Variants in PDE4B observed in about 807,000 individuals in gnomAD.
PDE4B encodes the protein 3',5'-cyclic-AMP phosphodiesterase 4B.
PDE4B carries 20 observed loss-of-function variants against 82.2 expected under a neutral mutation model. The ratio of observed to expected loss-of-function variants is 0.24; its 90% CI spans 0.17 to 0.35. PDE4B has a LOEUF of 0.35. PDE4B is among the 10% of genes least tolerant of loss of function. PDE4B has a pLI of 1.00. For synonymous variants in PDE4B, 320 were observed against 318.9 expected (o/e 1.00, Z -0.04); for missense variants, 655 against 907.2 (o/e 0.72, Z 3.57).
intron 3 of PDE4B, among the ~76,000 whole-genome samples, chr1:66,089,034 G>A (rs1189061821): frequency 6.6e-6 from 1 of 152,098 alleles, no homozygotes; most frequent in African/African-American, 2.4e-5. Flanking sequence ...CTAAGCCACT[G>A]AGATTGACAT....
intron 3 of PDE4B, among the ~76,000 whole-genome samples, chr1:65,923,008 C>G (rs1647305743): frequency 6.6e-6 from 1 of 152,056 alleles, no homozygotes; most frequent in African/African-American, 2.4e-5. Flanking sequence ...CCCCAACCCC[C>G]TCCCCCACAA....
At chr1:66,065,288 G>A (rs147288163) in intron 3 of PDE4B, among the ~76,000 whole-genome samples, 61 of 151,880 alleles carry the variant, frequency 4.0e-4, no homozygotes, top group African/African-American at 6.7e-4. Context: ...GGTTATTACC[G>A]TATGTCATTG....
At position 66,029,652 on chromosome 1, in the gene PDE4B, G is replaced by T. The variant is rs867763589; in HGVS notation, c.281+110817G>T. Among the ~76,000 whole-genome samples, 3 of 151,978 alleles carry T rather than the reference G, an allele frequency of 2.0e-5. No individual in the cohort carries two copies. The South Asian group carries it at 6.2e-4, about 31-fold the overall frequency. ...TGTATGAATGTTACTTTTGCTTTTT[G>T]ATATGAAATATAAGTCATATGTTAC... On this transcript the variant is annotated intron_variant, in intron 3 of 16. Coordinates refer to ENST00000341517, the MANE Select transcript of PDE4B (RefSeq NM_002600.4).
At chr1:65,904,884 G>A (rs900520293) in intron 1 of PDE4B, among the ~76,000 whole-genome samples, 1 of 152,162 alleles carries the variant, frequency 6.6e-6, no homozygotes, top group African/African-American at 2.4e-5. Flanking sequence ...ATAGAATAGT[G>A]CCTGCCATAA....
chr1:65,794,069 G>C (rs1235106867), intron 1 of PDE4B, among the ~76,000 whole-genome samples: 1 of 152,160 alleles, frequency 6.6e-6, no homozygotes, highest in Non-Finnish European at 1.5e-5. Context: ...GTCTGTGTGT[G>C]TCACACACGT....
intron 3 of PDE4B, among the ~76,000 whole-genome samples, chr1:66,006,344 T>C (rs1652148554): frequency 6.6e-6 from 1 of 152,216 alleles, no homozygotes; most frequent in South Asian, 2.1e-4. Context: ...TGCTGGATAA[T>C]GCAAACATGA....
At chr1:66,288,687 G>A (rs1018473993) in intron 7 of PDE4B, among the ~76,000 whole-genome samples, 1 of 152,114 alleles carries the variant, frequency 6.6e-6, no homozygotes, top group Non-Finnish European at 1.5e-5. Flanking sequence ...ATATGGGTTT[G>A]TGGGCTAGAA....
At chr1:66,131,986 G>A (rs1645960449) in intron 3 of PDE4B, among the ~76,000 whole-genome samples, 1 of 152,122 alleles carries the variant, frequency 6.6e-6, no homozygotes, top group South Asian at 2.1e-4. Flanking sequence ...AAAACAGAAA[G>A]AAAAGCAGTA....
At chr1:65,814,025 A>G (rs997394854) in intron 1 of PDE4B, among the ~76,000 whole-genome samples, 1 of 152,190 alleles carries the variant, frequency 6.6e-6, no homozygotes. Context: ...AAAAGAGAAC[A>G]GTGAAGAAGT....
In PDE4B at chr1:66,164,755, CTTTTTTTTT is replaced by C. The variant is rs145224852; in HGVS notation, c.282-82694_282-82686del. 6.8e-5 allele frequency among the ~76,000 whole-genome samples: 6 copies of C among 87,874 alleles called. No individual in the cohort carries two copies. The East Asian group carries it at 2.0e-3, about 30-fold the overall frequency. The allele number at this position is 87,874 out of a possible 152,430, so 57.6% of individuals were successfully genotyped here. A position where few individuals can be genotyped will look rare whatever the true frequency, so the allele number is the denominator to read the frequency against. Reference sequence around the variant, plus strand: ...TTTCTTTTTCTTTTTCTTTTCTTTTCTTTTTTTTTTTTTTTTTTTGAGACAGAGTCTCGC... The same window carrying C: ...TTTCTTTTTCTTTTTCTTTTCTTTTCTTTTTTTTTTGAGACAGAGTCTCGC... On this transcript the variant is annotated intron_variant, in intron 3 of 16. Transcript: ENST00000341517.
chr1:65,911,013 G>T (rs1647084460), intron 1 of PDE4B, among the ~76,000 whole-genome samples: 1 of 151,936 alleles, frequency 6.6e-6, no homozygotes, highest in Non-Finnish European at 1.5e-5. Context: ...AGAACATTTG[G>T]AAAACTGCCT....
At chr1:65,794,330 A>T (rs1213614761) in intron 1 of PDE4B, among the ~76,000 whole-genome samples, 1 of 152,170 alleles carries the variant, frequency 6.6e-6, no homozygotes, top group Admixed American at 6.5e-5. Context: ...AAAAAGTAAT[A>T]AATGTCCAGA....
chr1:65,838,341 G>C (rs1160582005), intron 1 of PDE4B, among the ~76,000 whole-genome samples: 1 of 151,906 alleles, frequency 6.6e-6, no homozygotes, highest in Non-Finnish European at 1.5e-5. Flanking sequence ...CAGAGATTAT[G>C]TGGAAATAAA....
At chr1:66,228,414 G>A (rs1651637692) in intron 3 of PDE4B, among the ~76,000 whole-genome samples, 1 of 152,102 alleles carries the variant, frequency 6.6e-6, no homozygotes, top group African/African-American at 2.4e-5. Context: ...CACGAGGTCA[G>A]GAGATCAAGA....
chr1:66,191,958 G>A (rs560240393), intron 3 of PDE4B, among the ~76,000 whole-genome samples: 64 of 152,050 alleles, frequency 4.2e-4, no homozygotes, highest in Non-Finnish European at 7.4e-4. Flanking sequence ...TCTCCCACGG[G>A]TCCCTCCCAC....
chr1:66,157,110 C>T (rs1646516195), intron 3 of PDE4B, among the ~76,000 whole-genome samples: 1 of 152,170 alleles, frequency 6.6e-6, no homozygotes, highest in African/African-American at 2.4e-5. Flanking sequence ...TGCTGTAATG[C>T]CAGTGCTCCC....
At chr1:65,924,530 C>A (rs551518873) in intron 3 of PDE4B, among the ~76,000 whole-genome samples, 2 of 152,106 alleles carry the variant, frequency 1.3e-5, no homozygotes, top group Non-Finnish European at 2.9e-5. Flanking sequence ...CTATCTATTA[C>A]TGCATAGCAA....
chr1:65,931,431 G>GAAAC (rs894176804), intron 3 of PDE4B, among the ~76,000 whole-genome samples: 24 of 152,166 alleles, frequency 1.6e-4, no homozygotes, highest in African/African-American at 4.8e-4. Flanking sequence ...CAGACTGGCA[G>GAAAC]AAACAAACAA....
chr1:66,353,478 A>G (rs1402876332), intron 8 of PDE4B, among the ~76,000 whole-genome samples: 1 of 152,172 alleles, frequency 6.6e-6, no homozygotes, highest in Non-Finnish European at 1.5e-5. Flanking sequence ...TTGAAAGGGG[A>G]ATGCCTCACA....
Sources: allele counts gnomAD v4.1 joint callset (sites outside exome capture counted in the v4.1 genomes callset), GRCh38; gene constraint gnomAD v4.1.1; transcripts MANE v1.5; gene names NCBI Gene and HGNC (gene_info 2026-07-23, HGNC 2026-07-21).